The following EGLN3 variants were observed in gnomAD, a reference collection of about 807,000 sequenced individuals.
EGLN3 encodes the protein egl-9 family hypoxia inducible factor 3, also known as prolyl hydroxylase EGLN3.
Under a neutral mutation model 26.0 loss-of-function variants are expected in EGLN3, and 15 were observed. The ratio of observed to expected loss-of-function variants is 0.58; its 90% confidence interval spans 0.39 to 0.89. The LOEUF (loss-of-function observed/expected upper bound fraction) is 0.89. EGLN3 is among the 40% of genes least tolerant of loss of function. EGLN3 has a pLI of 0.00. For missense variants in EGLN3, 238 were observed against 311.6 expected (o/e 0.76, Z 1.78); for synonymous variants, 147 against 127.2 (o/e 1.16, Z -1.05).
chr14:33,945,182 CCTT>C (rs1339157935), intron 1 of EGLN3, among the ~76,000 whole-genome samples: 1 of 152,134 alleles, frequency 6.6e-6, no homozygotes, highest in Non-Finnish European at 1.5e-5. Context: ...ACTCAGCACT[CCTT>C]CTCCCCAAAA....
chr14:33,932,759 G>A (rs745473748), intron 1 of EGLN3, among the ~76,000 whole-genome samples: 1 of 152,146 alleles, frequency 6.6e-6, no homozygotes, highest in Admixed American at 6.5e-5. Context: ...ACTGTGAGGC[G>A]ACGTCAGCAA....
chr14:33,933,080 C>A (rs1208929187), intron 1 of EGLN3, among the ~76,000 whole-genome samples: 1 of 152,130 alleles, frequency 6.6e-6, no homozygotes, highest in Non-Finnish European at 1.5e-5. Flanking sequence ...GCTTAAACAG[C>A]TCTTCTCTAA....
intron 1 of EGLN3, among the ~76,000 whole-genome samples, chr14:33,936,892 GGAGT>G (rs2138818880): frequency 6.6e-6 from 1 of 152,018 alleles, no homozygotes; most frequent in South Asian, 2.1e-4. Flanking sequence ...GCTCTGACAA[GGAGT>G]GAGAGAAAAG....
chr14:33,929,433 A>G (rs1374744218), intron 2 of EGLN3, among the ~76,000 whole-genome samples: 1 of 152,122 alleles, frequency 6.6e-6, no homozygotes, highest in African/African-American at 2.4e-5. Context: ...TTTCACTGCC[A>G]CTTCCACCTC....
chr14:33,943,181 A>G (rs1157477553), intron 1 of EGLN3, among the ~76,000 whole-genome samples: 1 of 152,232 alleles, frequency 6.6e-6, no homozygotes, highest in Non-Finnish European at 1.5e-5. Flanking sequence ...ATTAACCAAG[A>G]CAACTAATCT....
chr14:33,943,531 C>A (rs752578443), intron 1 of EGLN3, among the ~76,000 whole-genome samples: 11 of 152,224 alleles, frequency 7.2e-5, no homozygotes, highest in Non-Finnish European at 1.5e-4. Flanking sequence ...TAATAACCTT[C>A]TCCATAATGT....
chr14:33,925,929 T>C lies in EGLN3; in HGVS notation c.689-7A>G. ...AGGGCAGATTCAGTTTTCCCTGGGT[T>C]GGGGACAGAAAGGAGAATAAAGAGG... On this transcript the variant is annotated splice_polypyrimidine_tract_variant and splice_region_variant and intron_variant, in intron 4 of 4. Transcript: ENST00000250457. 1 of 1,595,624 alleles carries C rather than the reference T, an allele frequency of 6.3e-7. No homozygotes were observed. Among genetic ancestry groups the C allele is most frequent in the Non-Finnish European group, 8.6e-7 (1 of 1,168,238 alleles).
intron 1 of EGLN3, among the ~76,000 whole-genome samples, chr14:33,939,696 T>C (rs1427518697): frequency 1.3e-5 from 2 of 152,230 alleles, no homozygotes; most frequent in Non-Finnish European, 2.9e-5. Context: ...CTGTTCTGTG[T>C]GCTTCACAAA....
intron 1 of EGLN3, 200 bp downstream of exon 1, chr14:33,950,196 C>T: frequency 1.6e-6 from 1 of 617,150 alleles, no homozygotes; most frequent in Non-Finnish European, 2.9e-6. Context: ...CATGGTTCAC[C>T]TGAGCCCCTT....
chr14:33,942,930 A>G (rs956083983), intron 1 of EGLN3, among the ~76,000 whole-genome samples: 15 of 152,206 alleles, frequency 9.9e-5, no homozygotes, highest in African/African-American at 3.6e-4. Flanking sequence ...GTAACAAGGT[A>G]CCAAATGAAT....
chr14:33,927,078 AC>A, intron 3 of EGLN3, 45 bp from the exon 4 acceptor site: 7 of 1,390,582 alleles, frequency 5.0e-6, no homozygotes, highest in African/African-American at 1.5e-5. Context: ...TAATGGTACT[AC>A]TAGAAACACA....
At chr14:33,947,457 A>G (rs2138829237) in intron 1 of EGLN3, among the ~76,000 whole-genome samples, 1 of 152,244 alleles carries the variant, frequency 6.6e-6, no homozygotes, top group East Asian at 1.9e-4. Context: ...TTCTTCCACA[A>G]TTTCAATTTT....
chr14:33,944,096 G>A (rs2064501552), intron 1 of EGLN3, among the ~76,000 whole-genome samples: 1 of 152,012 alleles, frequency 6.6e-6, no homozygotes, highest in Admixed American at 6.6e-5. Context: ...AGCCAGCGTA[G>A]CCCCTTCTCT....
chr14:33,947,730 T>C (rs545097166), intron 1 of EGLN3, among the ~76,000 whole-genome samples: 1 of 152,314 alleles, frequency 6.6e-6, no homozygotes, highest in South Asian at 2.1e-4. Context: ...TTATGTATGT[T>C]TGAAAATTTC....
At chr14:33,940,674 C>G (rs2064476281) in intron 1 of EGLN3, among the ~76,000 whole-genome samples, 1 of 151,958 alleles carries the variant, frequency 6.6e-6, no homozygotes, top group Non-Finnish European at 1.5e-5. Context: ...AACCACAGCC[C>G]TTATATGGCA....
intron 1 of EGLN3, among the ~76,000 whole-genome samples, chr14:33,946,211 T>C (rs1262175883): frequency 6.6e-6 from 1 of 152,088 alleles, no homozygotes; most frequent in African/African-American, 2.4e-5. Context: ...ACCCCGTCTC[T>C]ACTAAAAATA....
chr14:33,925,799 C>T lies in EGLN3; in HGVS notation c.*92G>A. Reference sequence around the variant, plus strand: ...CAAGAAGTAGCAGGGAGATTGTTGTCACTGAAGAGGCCATCTTTGGATCTC... The same window carrying T: ...CAAGAAGTAGCAGGGAGATTGTTGTTACTGAAGAGGCCATCTTTGGATCTC... On this transcript the variant is annotated 3_prime_UTR_variant, in exon 5 of 5. Transcript: ENST00000250457. The T allele has an allele frequency of 1.4e-6, 2 of 1,439,760 alleles. No individual in the cohort carries two copies. The allele number at this position is 1,439,760 out of a possible 1,614,324, so 89.2% of individuals were successfully genotyped here.
In EGLN3 at chr14:33,950,609, C is replaced by T. The variant is rs977685612; in HGVS notation, c.144G>A (p.Lys48=). The change falls in exon 1 of 5, where the codon AAG becomes AAA. Residue 48 remains lysine, a synonymous_variant. Coordinates refer to ENST00000250457, the MANE Select transcript of EGLN3 (RefSeq NM_022073.4). The part of the protein sequence containing the change: ...VVGDCVLERV[K]QLHCTGALRD... ...GCAGGGCCCCGGTGCAGTGCAGCTGCTTGACGCGCTCCAGGACGCAGTCGC... is the reference window on the plus strand; with the variant it reads ...GCAGGGCCCCGGTGCAGTGCAGCTGTTTGACGCGCTCCAGGACGCAGTCGC... The T allele has an allele frequency of 3.7e-6, 6 of 1,613,582 alleles. No individual in the cohort carries two copies. The African/African-American group carries it at 5.3e-5, about 14-fold the overall frequency.
intron 1 of EGLN3, among the ~76,000 whole-genome samples, chr14:33,937,211 A>G (rs1486615746): frequency 2.0e-5 from 3 of 152,254 alleles, no homozygotes; most frequent in African/African-American, 7.2e-5. Flanking sequence ...TCTCAATGTG[A>G]TGATGAAGCA....
Sources: allele counts gnomAD v4.1 joint callset (sites outside exome capture counted in the v4.1 genomes callset), GRCh38; gene constraint gnomAD v4.1.1; transcripts MANE v1.5; gene names NCBI Gene and HGNC (gene_info 2026-07-23, HGNC 2026-07-21).